The following MAN1A2 variants were observed in gnomAD, a reference collection of about 807,000 sequenced individuals.
MAN1A2 encodes mannosyl-oligosaccharide 1,2-alpha-mannosidase IB.
Under a neutral mutation model 75.7 loss-of-function variants are expected in MAN1A2, and 26 were observed. The observed-to-expected ratio is 0.34, with a 90% CI of 0.25 to 0.48. MAN1A2 has a LOEUF of 0.48. Ranked by LOEUF, MAN1A2 falls within the 20% of genes least tolerant of loss-of-function variation. MAN1A2 has a pLI of 0.99. For missense variants in MAN1A2, 562 were observed against 775.5 expected (o/e 0.72, Z 3.27); for synonymous variants, 247 against 264.6 (o/e 0.93, Z 0.65).
chr1:117,449,907 G>T (rs1048242458), intron 6 of MAN1A2, among the ~76,000 whole-genome samples: 3 of 152,218 alleles, frequency 2.0e-5, no homozygotes, highest in Non-Finnish European at 4.4e-5. Context: ...AAAGTTTGAG[G>T]CTTGCAGAGG....
At chr1:117,452,952 A>G (rs2101826562) in intron 6 of MAN1A2, among the ~76,000 whole-genome samples, 1 of 152,344 alleles carries the variant, frequency 6.6e-6, no homozygotes, top group South Asian at 2.1e-4. Context: ...TTTAAGTTGA[A>G]GCTAGTTCTC....
chr1:117,499,337 A>T lies in MAN1A2; in HGVS notation c.1505-45A>T, dbSNP rs777018178. On this transcript the variant is annotated intron_variant, in intron 10 of 12. Coordinates refer to ENST00000356554, the MANE Select transcript of MAN1A2 (RefSeq NM_006699.5). ...AAGAAAGAAGTCCTTGCAAACAAAC[A>T]TAAATGGTTTATTTTGCTCAGTTAT... 4 of 1,369,902 alleles carry T rather than the reference A, an allele frequency of 2.9e-6. No individual in the cohort carries two copies. The African/African-American group carries it at 4.5e-5, about 15-fold the overall frequency. The allele number at this position is 1,369,902 out of a possible 1,614,324, so 84.9% of individuals were successfully genotyped here. A position where few individuals can be genotyped will look rare whatever the true frequency, so the allele number is the denominator to read the frequency against.
chr1:117,436,220 G>A (rs956618026), intron 5 of MAN1A2, among the ~76,000 whole-genome samples: 6 of 152,180 alleles, frequency 3.9e-5, no homozygotes, highest in African/African-American at 1.4e-4. Flanking sequence ...AGGAATCATA[G>A]AGGTGGCTCC....
intron 2 of MAN1A2, 95 bp from the exon 3 acceptor site, chr1:117,405,454 G>T: frequency 4.0e-6 from 3 of 745,254 alleles, no homozygotes; most frequent in Non-Finnish European, 7.4e-6. Flanking sequence ...TGGAAGAATG[G>T]GCAAGGATAT....
At chr1:117,381,455 G>A (rs749262491) in intron 1 of MAN1A2, among the ~76,000 whole-genome samples, 1 of 151,900 alleles carries the variant, frequency 6.6e-6, no homozygotes, top group African/African-American at 2.4e-5. Context: ...TTGTCTTTGC[G>A]ATAGTTTACT....
At chr1:117,411,362 G>C (rs1647811771) in intron 3 of MAN1A2, among the ~76,000 whole-genome samples, 1 of 151,662 alleles carries the variant, frequency 6.6e-6, no homozygotes, top group Non-Finnish European at 1.5e-5. Flanking sequence ...AGTGGTGCTG[G>C]GTCAACTGTA....
chr1:117,468,213 T>G (rs1650038295), intron 8 of MAN1A2, among the ~76,000 whole-genome samples: 1 of 151,998 alleles, frequency 6.6e-6, no homozygotes, highest in Non-Finnish European at 1.5e-5. Flanking sequence ...GAAGGAGAAG[T>G]GCCAAGCAAG....
At position 117,403,758 on chromosome 1, in the gene MAN1A2, A is replaced by AT. The variant is rs1436562085; in HGVS notation, c.558+1325dup. 6.6e-5 allele frequency among the ~76,000 whole-genome samples: 10 copies of AT among 151,770 alleles called. No homozygotes were observed. In the East Asian group the frequency reaches 1.5e-3, roughly 24 times the overall value. ...CCTTCTTGATTTTTATACCTTTTATATTTTTTTTCTTGTCGTACTGCAGTG... is the reference window on the plus strand; with the variant it reads ...CCTTCTTGATTTTTATACCTTTTATATTTTTTTTTCTTGTCGTACTGCAGTG... On this transcript the variant is annotated intron_variant, in intron 2 of 12. Transcript: ENST00000356554.
At chr1:117,435,557 A>G (rs1366155509) in intron 5 of MAN1A2, among the ~76,000 whole-genome samples, 1 of 152,214 alleles carries the variant, frequency 6.6e-6, no homozygotes, top group Admixed American at 6.5e-5. Flanking sequence ...TAAAACTGGA[A>G]AAGTTACTTG....
chr1:117,476,406 TG>T (rs1175169903), intron 8 of MAN1A2, among the ~76,000 whole-genome samples: 1 of 152,018 alleles, frequency 6.6e-6, no homozygotes, highest in Non-Finnish European at 1.5e-5. Flanking sequence ...CGTTGCTTTT[TG>T]TGTTTTAGTC....
chr1:117,429,174 C>G (rs1648489447), intron 5 of MAN1A2, among the ~76,000 whole-genome samples: 1 of 147,508 alleles, frequency 6.8e-6, no homozygotes, highest in Non-Finnish European at 1.5e-5. Context: ...TAGTGCAGAA[C>G]AAAATGAAAA....
intron 1 of MAN1A2, among the ~76,000 whole-genome samples, chr1:117,392,647 C>G (rs1653762556): frequency 6.6e-6 from 1 of 152,074 alleles, no homozygotes; most frequent in Non-Finnish European, 1.5e-5. Context: ...TGACAGATAA[C>G]CATTGATTTA....
intron 6 of MAN1A2, among the ~76,000 whole-genome samples, chr1:117,449,401 A>G (rs1348809842): frequency 2.6e-5 from 4 of 152,050 alleles, no homozygotes; most frequent in Admixed American, 1.3e-4. Context: ...TCTACAAAAA[A>G]TACAAAAATT....
intron 5 of MAN1A2, among the ~76,000 whole-genome samples, chr1:117,422,614 C>CATT (rs1648233960): frequency 6.6e-6 from 1 of 152,042 alleles, no homozygotes; most frequent in East Asian, 1.9e-4. Context: ...GTTAGCCATT[C>CATT]TAATAGATAC....
intron 7 of MAN1A2, among the ~76,000 whole-genome samples, chr1:117,465,204 A>G (rs1176201731): frequency 6.6e-6 from 1 of 152,204 alleles, no homozygotes; most frequent in Non-Finnish European, 1.5e-5. Context: ...AGAAGACAAA[A>G]TTGAGAAAAG....
In MAN1A2 at chr1:117,402,087, G is replaced by A. The variant is rs1647450066; in HGVS notation, c.303-99G>A. 4 of 1,224,942 alleles carry A rather than the reference G, an allele frequency of 3.3e-6. No homozygotes were observed. In the South Asian group the frequency reaches 6.3e-5, roughly 19 times the overall value. 75.9% of individuals were successfully genotyped at this position (1,224,942 alleles called of 1,614,324 possible). A position where few individuals can be genotyped will look rare whatever the true frequency, so the allele number is the denominator to read the frequency against. ...TTTTAATGGCAAAAGTAGAAAACAA[G>A]TTCCTGGGTTTAATGGAGAAACCTT... is the stretch of plus-strand genomic sequence containing the variant. On this transcript the variant is annotated intron_variant, in intron 1 of 12. Transcript: ENST00000356554.
At chr1:117,430,199 G>C (rs1234573803) in intron 5 of MAN1A2, among the ~76,000 whole-genome samples, 8 of 77,792 alleles carry the variant, frequency 1.0e-4, no homozygotes, top group African/African-American at 4.3e-4. Flanking sequence ...GCGGCTGGCC[G>C]GGCGGGGGGC....
chr1:117,426,934 C>A (rs1350359906), intron 5 of MAN1A2, among the ~76,000 whole-genome samples: 1 of 152,146 alleles, frequency 6.6e-6, no homozygotes, highest in Non-Finnish European at 1.5e-5. Context: ...GAGCCCCCTG[C>A]CCCACTTCTG....
At chr1:117,430,289 G>A (rs1231418622) in intron 5 of MAN1A2, among the ~76,000 whole-genome samples, 4 of 134,830 alleles carry the variant, frequency 3.0e-5, no homozygotes, top group Admixed American at 1.4e-4. Flanking sequence ...CGGATGGGGC[G>A]GCTGGTCGGG....
Sources: gnomAD v4.1 joint callset for allele counts (sites outside exome capture counted in the v4.1 genomes callset) on GRCh38, gnomAD v4.1.1 for gene constraint, MANE v1.5 for transcripts, NCBI Gene and HGNC (gene_info 2026-07-23, HGNC 2026-07-21) for gene names.